Variants in KNL1 observed in about 807,000 individuals in gnomAD.
KNL1 encodes the protein outer kinetochore KNL1 complex subunit KNL1.
A neutral mutation model predicts 201.3 loss-of-function variants in KNL1; 66 were observed. The ratio of observed to expected loss-of-function variants is 0.33; its 90% CI spans 0.27 to 0.40. KNL1 has a LOEUF of 0.40. KNL1 is among the 10% of genes least tolerant of loss of function. The probability of loss-of-function intolerance (pLI) is 1.00; values close to 1 mark genes in which losing one functional copy is unlikely to be tolerated. For synonymous variants in KNL1, 895 were observed against 899.2 expected, an observed-to-expected ratio of 1.00 and a Z score of 0.08; for missense variants, 2,815 against 2,690.5, an observed-to-expected ratio of 1.05 and a Z score of -1.02.
chr15:40,641,431 GAA>G (rs1039705056), intron 14 of KNL1, among the ~76,000 whole-genome samples: 4 of 152,146 alleles, frequency 2.6e-5, no homozygotes, highest in Non-Finnish European at 5.9e-5. Context: ...ACCTTCAAAA[GAA>G]AATATCCTTT....
chr15:40,625,965 G>T (rs1261731726), intron 10 of KNL1: 4 of 219,738 alleles, frequency 1.8e-5, no homozygotes, highest in Non-Finnish European at 2.7e-5. Flanking sequence ...TTGTCAATTT[G>T]GCTTTATATA....
chr15:40,639,317 G>T, intron 13 of KNL1, among the ~76,000 whole-genome samples: 1 of 150,998 alleles, frequency 6.6e-6, no homozygotes, highest in East Asian at 2.0e-4. Flanking sequence ...CGGGCACGAT[G>T]GCTCATGTCT....
chr15:40,630,175 A>G (rs1892872713), intron 13 of KNL1, among the ~76,000 whole-genome samples: 1 of 152,220 alleles, frequency 6.6e-6, no homozygotes, highest in African/African-American at 2.4e-5. Context: ...ATTTAAGATC[A>G]TAGAATATTT....
chr15:40,598,949 A>G (rs1210326867), intron 1 of KNL1, among the ~76,000 whole-genome samples: 1 of 151,804 alleles, frequency 6.6e-6, no homozygotes, highest in African/African-American at 2.4e-5. Flanking sequence ...GACTACAGGC[A>G]TGTGCTACCA....
At position 40,625,076 on chromosome 15, in the gene KNL1, A is replaced by G; in HGVS notation, c.4812A>G (p.Glu1604=). ...HNDMHIVQAT[E]IHNINIISSN... ...ATATGCATATAGTGCAAGCTACAGA[A>G]ATACATAATATTAACATAATCTCCA... The change falls in exon 10 of 26, where the codon GAA becomes GAG. Residue 1604 remains glutamate, a synonymous_variant. Transcript: ENST00000399668. The G allele has an allele frequency of 6.2e-7, 1 of 1,613,770 alleles. No individual in the cohort carries two copies. Among genetic ancestry groups the G allele is most frequent in the Middle Eastern group, 1.7e-4 (1 of 6,056 alleles).
At chr15:40,608,982 C>T (rs142085596) in intron 5 of KNL1, 74 bp downstream of exon 5, 2 of 927,990 alleles carry the variant, frequency 2.2e-6, no homozygotes, top group East Asian at 5.0e-5. Flanking sequence ...TGTATTGGTA[C>T]TGACTTGAAT....
rs770847630 is a variant in KNL1 at position 40,624,472 on chromosome 15, C to G, written c.4208C>G (p.Thr1403Ser). ...KDPRNLLANQ[T>S]LVYSQDLGEM... is the part of the protein sequence containing the mutation. ...CCACGAAATCTATTGGCTAATCAAA[C>G]TTTAGTATATAGTCAAGATCTGGGG... Residue 1403 changes from threonine to serine, a missense_variant, in exon 10 of 26, where the codon ACT becomes AGT. This residue lies in a region of KNL1 where 2,464 missense variants were observed against 2,291.7 expected (regional missense o/e 1.08). Coordinates refer to ENST00000399668, the MANE Select transcript of KNL1 (RefSeq NM_144508.5). The G allele has an allele frequency of 8.1e-6, 13 of 1,613,644 alleles. No individual in the cohort carries two copies. In the Admixed American group the frequency reaches 1.2e-4, roughly 14 times the overall value.
At position 40,627,251 on chromosome 15, in the gene KNL1, A is replaced by G. The variant is rs991506945; in HGVS notation, c.5377-819A>G. ...TGTTTTCAGCCAGGCGCGGTAGCTC[A>G]TGCCTATAATCCCAGCACTTTGGGA... On this transcript the variant is annotated intron_variant, in intron 10 of 25. Transcript: ENST00000399668. Among the ~76,000 whole-genome samples, 13 of 152,350 alleles carry G rather than the reference A, an allele frequency of 8.5e-5. No homozygotes were observed. The East Asian group carries it at 2.5e-3, about 29-fold the overall frequency.
At chr15:40,610,636 G>A (rs984973192) in intron 6 of KNL1, among the ~76,000 whole-genome samples, 26 of 152,206 alleles carry the variant, frequency 1.7e-4, no homozygotes, top group Non-Finnish European at 3.1e-4. Context: ...GATTGAGACT[G>A]CAGTGATTGC....
At chr15:40,627,296 CGAGATCAG>C (rs1892782721) in intron 10 of KNL1, among the ~76,000 whole-genome samples, 1 of 152,136 alleles carries the variant, frequency 6.6e-6, no homozygotes. Flanking sequence ...AGGTTGATCA[CGAGATCAG>C]GAGATCAAGA....
Position 40,623,449 on chromosome 15 carries a change from G to A in KNL1, c.3185G>A (p.Ser1062Asn). The change falls in exon 10 of 26, where the codon AGT becomes AAT. Residue 1062 changes from serine (S) to asparagine (N), a missense_variant. Physicochemically the swap from Ser to Asn is conservative, Grantham distance 46. Around this residue, in one of 3 missense-constraint regions of KNL1, gnomAD observed 2,464 missense variants for 2,291.7 expected, o/e 1.08. Coordinates refer to ENST00000399668, the MANE Select transcript of KNL1 (RefSeq NM_144508.5). The stretch of plus-strand genomic sequence containing the variant: ...CTGAATGAACCTCTATCAAGCAAAA[G>A]TCAGAGAAGAAAAAGCCTTAAGCTA... The part of the protein sequence containing the change: ...GFLNEPLSSK[S>N]QRRKSLKLKN... 6.2e-7 allele frequency: 1 copy of A among 1,611,454 alleles called. No homozygotes were observed.
intron 13 of KNL1, among the ~76,000 whole-genome samples, chr15:40,633,310 C>CAGA (rs1555421662): frequency 8.3e-6 from 1 of 120,258 alleles, no homozygotes; most frequent in African/African-American, 3.2e-5. Context: ...AACTCTGTCT[C>CAGA]AAAAAAAAAA....
In KNL1 at chr15:40,651,295, T is replaced by A. The variant is rs80200856; in HGVS notation, c.6213-176T>A. ...ACCCACTTCTAGATTAATGCTTATA[T>A]AAAAAAAAAAAAAAAAACTAAACTA... is the stretch of plus-strand genomic sequence containing the variant. On this transcript the variant is annotated intron_variant, in intron 19 of 25. Transcript: ENST00000399668. Among the ~76,000 whole-genome samples, 1,856 of 22,564 alleles carry A rather than the reference T, an allele frequency of 0.082. 42 individuals carry two copies. The highest frequency in any genetic ancestry group is 0.2 in the African/African-American group (1,683 of 8,316). The allele number at this position is 22,564 out of a possible 152,430, so 14.8% of individuals were successfully genotyped here.
Position 40,621,500 on chromosome 15 carries a change from C to A in KNL1, c.1236C>A (p.Thr412=), listed in dbSNP as rs756102402. 1 of 1,613,814 alleles carries A rather than the reference C, an allele frequency of 6.2e-7. No individual in the cohort carries two copies. Among genetic ancestry groups the A allele is most frequent in the Non-Finnish European group, 8.5e-7 (1 of 1,179,868 alleles). The change falls in exon 10 of 26, where the codon ACC becomes ACA. Residue 412 remains threonine (T), a synonymous_variant. Coordinates refer to ENST00000399668, the MANE Select transcript of KNL1 (RefSeq NM_144508.5). ...AGGATGCCAGAATATTAGCCATGAC[C>A]CCAGAATCTATATATTCTAATCCAT... The part of the protein sequence containing the change: ...CNQDARILAM[T]PESIYSNPSI...
intron 1 of KNL1, among the ~76,000 whole-genome samples, chr15:40,600,770 A>G (rs1300245404): frequency 6.6e-6 from 1 of 152,098 alleles, no homozygotes; most frequent in East Asian, 1.9e-4. Context: ...CAAGGATGAG[A>G]TTCTAAAGTT....
At chr15:40,598,237 TTGG>T (rs2141691991) in intron 1 of KNL1, among the ~76,000 whole-genome samples, 1 of 146,628 alleles carries the variant, frequency 6.8e-6, no homozygotes, top group East Asian at 2.0e-4. Flanking sequence ...AATATGCGAG[TTGG>T]TGGTCAAATA....
chr15:40,635,612 C>G (rs932093054), intron 13 of KNL1, among the ~76,000 whole-genome samples: 1 of 152,112 alleles, frequency 6.6e-6, no homozygotes, highest in Non-Finnish European at 1.5e-5. Flanking sequence ...CCTCAGCTTC[C>G]CAAAGTGCTG....
chr15:40,647,736 C>A (rs1037124764), intron 17 of KNL1, among the ~76,000 whole-genome samples: 3 of 152,122 alleles, frequency 2.0e-5, no homozygotes, highest in Non-Finnish European at 2.9e-5. Flanking sequence ...AAATTTTGTT[C>A]TTCTCAGTCC....
chr15:40,639,488 G>A (rs1003259710), intron 13 of KNL1, among the ~76,000 whole-genome samples: 3 of 150,856 alleles, frequency 2.0e-5, no homozygotes, highest in Non-Finnish European at 4.4e-5. Flanking sequence ...TGGAGGCTGA[G>A]GCAGGAGAAT....
Sources: gnomAD v4.1 joint callset for allele counts (sites outside exome capture counted in the v4.1 genomes callset) on GRCh38, gnomAD v4.1.1 for gene constraint, gnomAD v4.1.1 regional missense constraint, MANE v1.5 for transcripts, NCBI Gene and HGNC (gene_info 2026-07-23, HGNC 2026-07-21) for gene names.